Variants in IMPG1 observed in about 807,000 individuals in gnomAD.
IMPG1 encodes interphotoreceptor matrix proteoglycan of 150 kDa.
A neutral mutation model predicts 92.0 loss-of-function variants in IMPG1; 85 were observed. The ratio of observed to expected loss-of-function variants is 0.92; its 90% CI spans 0.78 to 1.11. The LOEUF is 1.11. Among genes scored for constraint, IMPG1 ranks in the 50% least tolerant of loss-of-function variants. The pLI is 0.00. For missense variants in IMPG1, 1,022 were observed against 956.0 expected (o/e 1.07, Z -0.91); for synonymous variants, 367 against 334.1 (o/e 1.10, Z -1.08).
chr6:76,025,756 TCTGTATTCTG>T (rs1469621591), intron 4 of IMPG1, among the ~76,000 whole-genome samples: 1 of 152,136 alleles, frequency 6.6e-6, no homozygotes, highest in Non-Finnish European at 1.5e-5. Flanking sequence ...ATTTACTAAA[TCTGTATTCTG>T]GGCACAGCCA....
intron 12 of IMPG1, among the ~76,000 whole-genome samples, chr6:75,973,562 G>T (rs1199653817): frequency 6.6e-6 from 1 of 152,110 alleles, no homozygotes; most frequent in African/African-American, 2.4e-5. Flanking sequence ...AGAACCCTAT[G>T]AATAAGTACT....
chr6:75,925,392 A>G (rs1781533311), intron 15 of IMPG1, among the ~76,000 whole-genome samples: 1 of 152,088 alleles, frequency 6.6e-6, no homozygotes, highest in South Asian at 2.1e-4. Flanking sequence ...ATCTTCCTAT[A>G]TATATATATT....
chr6:76,028,416 G>A lies in IMPG1; in HGVS notation c.498-3158C>T, dbSNP rs180718841. Among the ~76,000 whole-genome samples the A allele has an allele frequency of 5.3e-4, 81 of 152,352 alleles. No homozygotes were observed. The East Asian group carries it at 0.015, about 29-fold the overall frequency. On this transcript the variant is annotated intron_variant, in intron 4 of 16. Transcript: ENST00000369950. ...CTCACGAATATCAAACCAAACAAGA[G>A]TTAATTAAATGGACAGAACTCAGAA...
Position 75,931,184 on chromosome 6 carries a change from A to G in IMPG1, c.2045-33T>C, listed in dbSNP as rs1388567117. The stretch of plus-strand genomic sequence containing the variant: ...AAATGGGGCAGATTTTAACGCATGT[A>G]TGAATAGCTAAGCAATGGAACTGGC... On this transcript the variant is annotated intron_variant, in intron 14 of 16. Transcript: ENST00000369950. 7 of 1,573,370 alleles carry G rather than the reference A, an allele frequency of 4.4e-6. No homozygotes were observed. In the South Asian group the frequency reaches 4.6e-5, roughly 10 times the overall value.
At chr6:75,946,950 G>A (rs1781937162) in intron 14 of IMPG1, among the ~76,000 whole-genome samples, 1 of 152,074 alleles carries the variant, frequency 6.6e-6, no homozygotes, top group South Asian at 2.1e-4. Context: ...TTGTTGCAGA[G>A]CACTGAGAAA....
chr6:75,957,167 C>T (rs1782140647), intron 12 of IMPG1, among the ~76,000 whole-genome samples: 1 of 152,186 alleles, frequency 6.6e-6, no homozygotes. Flanking sequence ...ATCCACTCGC[C>T]TCGGCTTCCC....
At chr6:76,012,970 T>G (rs1292687126) in intron 7 of IMPG1, among the ~76,000 whole-genome samples, 1 of 151,354 alleles carries the variant, frequency 6.6e-6, no homozygotes, top group South Asian at 2.1e-4. Context: ...CCGACTCTGG[T>G]TGGTTTGAAT....
chr6:76,045,974 A>G (rs1783933440), intron 1 of IMPG1, among the ~76,000 whole-genome samples: 2 of 152,188 alleles, frequency 1.3e-5, no homozygotes, highest in Non-Finnish European at 2.9e-5. Flanking sequence ...TTGAGGCAGG[A>G]AATCTCTAAG....
In IMPG1 at chr6:76,003,012, T is replaced by C. The variant is rs1371270798; in HGVS notation, c.1213-16A>G. ...AAGTAGCATCCTGAAGAATGAATTTTGCAAGACAGATGTTGAGAAAGGATG... is the reference window on the plus strand; with the variant it reads ...AAGTAGCATCCTGAAGAATGAATTTCGCAAGACAGATGTTGAGAAAGGATG... On this transcript the variant is annotated splice_polypyrimidine_tract_variant and intron_variant, in intron 11 of 16. Transcript: ENST00000369950. 1.3e-6 allele frequency: 2 copies of C among 1,591,698 alleles called. No individual in the cohort carries two copies. The highest frequency in any genetic ancestry group is 1.3e-5 in the African/African-American group (1 of 74,426).
chr6:76,042,795 C>T (rs1783868455), intron 1 of IMPG1, among the ~76,000 whole-genome samples: 1 of 152,182 alleles, frequency 6.6e-6, no homozygotes, highest in African/African-American at 2.4e-5. Context: ...TCTTCTAAGC[C>T]ATTTCATCCT....
At position 75,947,489 on chromosome 6, in the gene IMPG1, A is replaced by C. The variant is rs764710111; in HGVS notation, c.1869T>G (p.Leu623=). Reference sequence around the variant, plus strand: ...TCCCGTTTCTGAAGTTAAGTATTTCAAGTTGCTTAAATCCTGTAAGATTGG... The same window carrying C: ...TCCCGTTTCTGAAGTTAAGTATTTCCAGTTGCTTAAATCCTGTAAGATTGG... ...LRSNLTGFKQ[L]EILNFRNGSV... Residue 623 remains leucine (L), a synonymous_variant, in exon 14 of 17, where the codon CTT becomes CTG. Transcript: ENST00000369950. The C allele has an allele frequency of 1.2e-6, 2 of 1,613,634 alleles. No individual in the cohort carries two copies. Among genetic ancestry groups the C allele is most frequent in the African/African-American group, 2.7e-5 (2 of 74,880 alleles).
At chr6:75,931,212 C>T in intron 14 of IMPG1, 61 bp from the exon 15 acceptor site, 2 of 1,483,646 alleles carry the variant, frequency 1.3e-6, no homozygotes, top group South Asian at 2.4e-5. Flanking sequence ...GAACTGGCAG[C>T]AGTCAAAGGC....
In IMPG1 at chr6:76,022,152, G is replaced by T; in HGVS notation, c.630C>A (p.Leu210=). The T allele has an allele frequency of 6.3e-7, 1 of 1,593,078 alleles. No individual in the cohort carries two copies. Among genetic ancestry groups the T allele is most frequent in the Non-Finnish European group, 8.6e-7 (1 of 1,165,434 alleles). The change falls in exon 6 of 17, where the codon CTC becomes CTA. Residue 210 remains leucine (L), a synonymous_variant. Coordinates refer to ENST00000369950, the MANE Select transcript of IMPG1 (RefSeq NM_001563.4). ...TCTTGGTGTCGTTGAGTGTATTATC[G>T]AGAATTTCATTGAGGAGGGTGTCAT... The part of the protein sequence containing the change: ...TPDDTLLNEI[L]DNTLNDTKMP...
chr6:75,948,239 C>T (rs1048938267), intron 13 of IMPG1, among the ~76,000 whole-genome samples: 1 of 152,228 alleles, frequency 6.6e-6, no homozygotes, highest in Non-Finnish European at 1.5e-5. Flanking sequence ...ATAATCTCAA[C>T]AGTATGCCCC....
At chr6:75,954,086 T>A (rs1782078885) in intron 12 of IMPG1, among the ~76,000 whole-genome samples, 1 of 152,208 alleles carries the variant, frequency 6.6e-6, no homozygotes, top group African/African-American at 2.4e-5. Context: ...TGTGCACATG[T>A]CTTTATAGTA....
rs144235945 is a variant in IMPG1 at position 76,008,861 on chromosome 6, C to T, written c.867-1361G>A. ...GCAAAGCTTTACTCATCCTACTGTG[C>T]GATCCTTCCCCTTCTATCCCTATGT... is the stretch of plus-strand genomic sequence containing the variant. On this transcript the variant is annotated intron_variant, in intron 8 of 16. Transcript: ENST00000369950. 2.9e-4 allele frequency among the ~76,000 whole-genome samples: 44 copies of T among 152,286 alleles called. 1 individual carries two copies. In the East Asian group the frequency reaches 8.1e-3, roughly 28 times the overall value.
At chr6:75,959,842 C>T (rs567019030) in intron 12 of IMPG1, among the ~76,000 whole-genome samples, 1 of 152,302 alleles carries the variant, frequency 6.6e-6, no homozygotes, top group South Asian at 2.1e-4. Flanking sequence ...ACTTGGTTCC[C>T]TGGTTTCAGC....
chr6:76,034,609 G>C lies in IMPG1; in HGVS notation c.468+12C>G, dbSNP rs954932034. Reference sequence around the variant, plus strand: ...GCAGTGTTCCAAATAACCATGTGGTGTTTAGGCTCACCTGCTGGAGAAGAT... The same window carrying C: ...GCAGTGTTCCAAATAACCATGTGGTCTTTAGGCTCACCTGCTGGAGAAGAT... On this transcript the variant is annotated intron_variant, in intron 3 of 16. Coordinates refer to ENST00000369950, the MANE Select transcript of IMPG1 (RefSeq NM_001563.4). The C allele has an allele frequency of 6.2e-7, 1 of 1,613,776 alleles. No individual in the cohort carries two copies. Among genetic ancestry groups the C allele is most frequent in the Middle Eastern group, 1.7e-4 (1 of 6,016 alleles).
intron 15 of IMPG1, among the ~76,000 whole-genome samples, chr6:75,926,401 T>C (rs1285923406): frequency 6.6e-6 from 1 of 152,166 alleles, no homozygotes; most frequent in African/African-American, 2.4e-5. Context: ...GGAAAAAAAC[T>C]AGACCTCCTT....
Sources: allele counts gnomAD v4.1 joint callset (sites outside exome capture counted in the v4.1 genomes callset), GRCh38; gene constraint gnomAD v4.1.1; transcripts MANE v1.5; gene names NCBI Gene and HGNC (gene_info 2026-07-23, HGNC 2026-07-21).